Variants in SORL1 observed in about 807,000 individuals in gnomAD.
SORL1 encodes the protein sortilin-related receptor.
A neutral mutation model predicts 273.7 loss-of-function variants in SORL1; 127 were observed. That is an observed-to-expected ratio of 0.46 (90% CI 0.40 to 0.54). The LOEUF (loss-of-function observed/expected upper bound fraction) is 0.54. SORL1 is among the 20% of genes least tolerant of loss of function. The probability of loss-of-function intolerance (pLI) is 0.00; values close to 1 mark genes in which losing one functional copy is unlikely to be tolerated. For synonymous variants in SORL1, 1,031 were observed against 1,067.4 expected (o/e 0.97, Z 0.66); for missense variants, 2,494 against 2,846.1 (o/e 0.88, Z 2.81).
chr11:121,565,808 G>A (rs530942107), intron 21 of SORL1, among the ~76,000 whole-genome samples: 5 of 152,162 alleles, frequency 3.3e-5, no homozygotes, highest in East Asian at 1.9e-4. Context: ...TGCCATCCTC[G>A]TTCATCCACA....
At chr11:121,603,905 A>C (rs1194169163) in intron 32 of SORL1, among the ~76,000 whole-genome samples, 2 of 152,226 alleles carry the variant, frequency 1.3e-5, no homozygotes, top group Non-Finnish European at 2.9e-5. Context: ...AGGGCAACTG[A>C]ACTCAGGTGA....
intron 6 of SORL1, among the ~76,000 whole-genome samples, chr11:121,511,342 G>A (rs995097030): frequency 4.6e-5 from 7 of 152,064 alleles, no homozygotes; most frequent in Non-Finnish European, 1.0e-4. Flanking sequence ...TCTTTTTAAA[G>A]TTATACTCAC....
In SORL1 at chr11:121,632,486, A is replaced by T. The variant is rs1863889281; in HGVS notation, c.*2923A>T. ...AACTGGTTGAAACTCTGACTTTTGGACAAGTAATTCCTGGGGTTCTGTCTT... is the reference window on the plus strand; with the variant it reads ...AACTGGTTGAAACTCTGACTTTTGGTCAAGTAATTCCTGGGGTTCTGTCTT... On this transcript the variant is annotated 3_prime_UTR_variant, in exon 48 of 48. Transcript: ENST00000260197. 2.0e-5 allele frequency: 3 copies of T among 151,836 alleles called. No individual in the cohort carries two copies. Among genetic ancestry groups the T allele is most frequent in the Admixed American group, 6.6e-5 (1 of 15,228 alleles). 9.4% of individuals were successfully genotyped at this position (151,836 alleles called of 1,614,324 possible). A position where few individuals can be genotyped will look rare whatever the true frequency, so the allele number is the denominator to read the frequency against.
chr11:121,459,198 G>A (rs1860952443), intron 1 of SORL1, among the ~76,000 whole-genome samples: 1 of 152,216 alleles, frequency 6.6e-6, no homozygotes, highest in South Asian at 2.1e-4. Context: ...GACTTGAAGT[G>A]TCTTTCATTT....
intron 21 of SORL1, among the ~76,000 whole-genome samples, chr11:121,566,224 C>T (rs1314565672): frequency 6.6e-6 from 1 of 151,868 alleles, no homozygotes; most frequent in African/African-American, 2.4e-5. Context: ...TTCTCTTTCC[C>T]TCTCATTAGG....
chr11:121,536,544 C>T (rs1362044961), intron 12 of SORL1, among the ~76,000 whole-genome samples: 1 of 150,214 alleles, frequency 6.7e-6, no homozygotes. Context: ...GGACCACGGG[C>T]AGGAGCCACC....
At chr11:121,523,532 A>G (rs1862072972) in intron 11 of SORL1, among the ~76,000 whole-genome samples, 1 of 152,076 alleles carries the variant, frequency 6.6e-6, no homozygotes, top group African/African-American at 2.4e-5. Context: ...GATTATACCA[A>G]TTCCTAAGAC....
chr11:121,632,228 C>T lies in SORL1; in HGVS notation c.*2665C>T, dbSNP rs558343995. The T allele has an allele frequency of 6.6e-6, 1 of 152,224 alleles. No individual in the cohort carries two copies. The highest frequency in any genetic ancestry group is 1.5e-5 in the Non-Finnish European group (1 of 68,026). 9.4% of individuals were successfully genotyped at this position (152,224 alleles called of 1,614,324 possible). On this transcript the variant is annotated 3_prime_UTR_variant, in exon 48 of 48. Transcript: ENST00000260197. ...CGATGGGCCTCTAAAAATTGGTGGG[C>T]AGGGGGTTTGCTTATGAGTTTTCTC...
Position 121,629,870 on chromosome 11 carries a change from G to A in SORL1, c.*307G>A, listed in dbSNP as rs181735329. The stretch of plus-strand genomic sequence containing the variant: ...GAGATAATTTCGGTTCAGTAAATTG[G>A]CCAATCTTTTTATTTTTCTAAGACA... On this transcript the variant is annotated 3_prime_UTR_variant, in exon 48 of 48. Coordinates refer to ENST00000260197, the MANE Select transcript of SORL1 (RefSeq NM_003105.6). 1.6e-3 allele frequency: 525 copies of A among 332,138 alleles called. 2 individuals are homozygous for A. Among genetic ancestry groups the A allele is most frequent in the African/African-American group, 9.3e-3 (438 of 47,052 alleles). The allele number at this position is 332,138 out of a possible 1,614,324, so 20.6% of individuals were successfully genotyped here.
chr11:121,518,957 T>C (rs932956013), intron 8 of SORL1, among the ~76,000 whole-genome samples: 18 of 150,898 alleles, frequency 1.2e-4, no homozygotes, highest in East Asian at 9.7e-4. Flanking sequence ...TTTTCTTTTT[T>C]TTTTTTTTTG....
Position 121,543,740 on chromosome 11 carries a change from T to A in SORL1, c.1864+14T>A. ...CGGATGCCTTGGGTAAGCTGCTGCC[T>A]CCTTGGACCTTTTCACATGGATATG... On this transcript the variant is annotated intron_variant, in intron 13 of 47. Transcript: ENST00000260197. 6.2e-7 allele frequency: 1 copy of A among 1,606,114 alleles called. No individual in the cohort carries two copies. Among genetic ancestry groups the A allele is most frequent in the Non-Finnish European group, 8.5e-7 (1 of 1,176,092 alleles).
intron 1 of SORL1, among the ~76,000 whole-genome samples, chr11:121,453,940 A>T (rs1860857874): frequency 6.6e-6 from 1 of 152,216 alleles, no homozygotes; most frequent in Admixed American, 6.5e-5. Context: ...GGGGGAAAGG[A>T]TGGTGGTGAC....
At chr11:121,532,378 T>C in intron 11 of SORL1, 86 bp from the exon 12 acceptor site, 1 of 1,173,232 alleles carries the variant, frequency 8.5e-7, no homozygotes, top group Non-Finnish European at 1.3e-6. Flanking sequence ...TATGTGCACG[T>C]GTGTGCATGC....
At chr11:121,532,000 C>T (rs997328686) in intron 11 of SORL1, among the ~76,000 whole-genome samples, 7 of 152,154 alleles carry the variant, frequency 4.6e-5, no homozygotes, top group Non-Finnish European at 8.8e-5. Context: ...TCTCCACAAG[C>T]GGCTTGCTTT....
At chr11:121,622,919 A>G (rs1029987655) in intron 45 of SORL1, among the ~76,000 whole-genome samples, 9 of 152,222 alleles carry the variant, frequency 5.9e-5, no homozygotes, top group Non-Finnish European at 1.3e-4. Context: ...CTAAATAGGA[A>G]TGTGATGAAT....
At chr11:121,465,690 G>A (rs904392226) in intron 1 of SORL1, among the ~76,000 whole-genome samples, 11 of 152,214 alleles carry the variant, frequency 7.2e-5, no homozygotes, top group African/African-American at 2.7e-4. Flanking sequence ...ACCGTGCCTG[G>A]CTAATTTTTT....
At chr11:121,528,568 A>T (rs11512476) in intron 11 of SORL1, among the ~76,000 whole-genome samples, 44,284 of 152,238 alleles carry the variant, frequency 0.29, 7,939 homozygotes, top group Non-Finnish European at 0.39. Context: ...CATCATCATT[A>T]TCTGATTCCA....
At chr11:121,552,175 G>C (rs1336771043) in intron 16 of SORL1, among the ~76,000 whole-genome samples, 2 of 152,130 alleles carry the variant, frequency 1.3e-5, no homozygotes, top group Non-Finnish European at 2.9e-5. Context: ...GGATATACCA[G>C]GAAAGAAAAA....
At chr11:121,556,343 G>A (rs1862581453) in intron 18 of SORL1, among the ~76,000 whole-genome samples, 1 of 152,176 alleles carries the variant, frequency 6.6e-6, no homozygotes, top group Non-Finnish European at 1.5e-5. Context: ...GGAGAGTGGG[G>A]CAACATTAGA....
Sources: gnomAD v4.1 joint callset for allele counts (sites outside exome capture counted in the v4.1 genomes callset) on GRCh38, gnomAD v4.1.1 for gene constraint, MANE v1.5 for transcripts, NCBI Gene and HGNC (gene_info 2026-07-23, HGNC 2026-07-21) for gene names.